THSD4: variants seen among roughly 807,000 people sequenced by gnomAD.
THSD4 encodes thrombospondin type 1 domain containing 4.
THSD4 carries 69 observed loss-of-function variants against 119.0 expected under a neutral mutation model. The observed-to-expected ratio is 0.58, with a 90% CI of 0.48 to 0.71. The LOEUF (loss-of-function observed/expected upper bound fraction) is 0.71, where lower values mean the gene tolerates loss of function less well. THSD4 is among the 30% of genes least tolerant of loss of function. The pLI, the probability that THSD4 is intolerant of heterozygous loss-of-function variation, is 0.00. For synonymous variants in THSD4, 524 were observed against 540.4 expected, an observed-to-expected ratio of 0.97 and a Z score of 0.42; for missense variants, 1,393 against 1,391.1, an observed-to-expected ratio of 1.00 and a Z score of -0.02.
chr15:71,496,748 G>A (rs2048023495), intron 7 of THSD4, among the ~76,000 whole-genome samples: 1 of 152,202 alleles, frequency 6.6e-6, no homozygotes, highest in Non-Finnish European at 1.5e-5. Flanking sequence ...TGTCCTTAGG[G>A]AGAAGGGGAG....
rs187989355 is a variant in THSD4, at chr15:71,691,145, G to A, written c.1357+30411G>A. Among the ~76,000 whole-genome samples the A allele has an allele frequency of 3.8e-4, 58 of 152,264 alleles. 1 individual carries two copies. Among genetic ancestry groups the A allele is most frequent in the Admixed American group, 2.5e-3 (38 of 15,294 alleles). ...AGGAAGGGGCCACAAACTAAGGAGT[G>A]CAAGAAATACAACTCTAGCAGCTGG... On this transcript the variant is annotated intron_variant, in intron 8 of 17. Transcript: ENST00000261862.
chr15:71,779,075 A>G lies in THSD4; in HGVS notation c.*1701A>G, dbSNP rs531020791. 5.9e-5 allele frequency: 9 copies of G among 152,386 alleles called. 1 individual carries two copies. The highest frequency in any genetic ancestry group is 2.2e-4 in the African/African-American group (9 of 41,586). The allele number at this position is 152,386 out of a possible 1,614,324, so 9.4% of individuals were successfully genotyped here. On this transcript the variant is annotated 3_prime_UTR_variant, in exon 18 of 18. Transcript: ENST00000261862. ...ATGATGGTTTGCAGCTTTTGGAAGC[A>G]GTATGGCAACCTGGCCTGACATGCT... is the stretch of plus-strand genomic sequence containing the variant.
At chr15:71,664,295 C>G (rs1364926853) in intron 8 of THSD4, among the ~76,000 whole-genome samples, 1 of 151,968 alleles carries the variant, frequency 6.6e-6, no homozygotes, top group African/African-American at 2.4e-5. Context: ...GATTCCAGAA[C>G]TTTTACAACT....
chr15:71,390,198 C>A (rs929587429), intron 6 of THSD4, among the ~76,000 whole-genome samples: 4 of 152,094 alleles, frequency 2.6e-5, no homozygotes, highest in African/African-American at 9.7e-5. Flanking sequence ...TTTATATATA[C>A]CTACTATCAA....
At chr15:71,718,347 C>T (rs1050516666) in intron 8 of THSD4, among the ~76,000 whole-genome samples, 2 of 152,120 alleles carry the variant, frequency 1.3e-5, no homozygotes, top group African/African-American at 4.8e-5. Context: ...CAGACATAGT[C>T]CTTCCCTGCT....
intron 8 of THSD4, among the ~76,000 whole-genome samples, chr15:71,694,216 CCTT>C (rs1595869608): frequency 6.6e-6 from 1 of 152,126 alleles, no homozygotes; most frequent in Admixed American, 6.5e-5. Context: ...GTGGCTTTAT[CCTT>C]CTTGTAATGT....
chr15:71,333,694 T>C (rs371381451), intron 6 of THSD4, among the ~76,000 whole-genome samples: 12 of 152,286 alleles, frequency 7.9e-5, no homozygotes, highest in African/African-American at 2.6e-4. Flanking sequence ...CGTTAAGGAC[T>C]TATTGAAGTC....
At chr15:71,523,018 C>A (rs2048464935) in intron 7 of THSD4, among the ~76,000 whole-genome samples, 1 of 152,154 alleles carries the variant, frequency 6.6e-6, no homozygotes, top group Non-Finnish European at 1.5e-5. Flanking sequence ...GGTTATCTGG[C>A]ATGTTATGGG....
intron 8 of THSD4, among the ~76,000 whole-genome samples, chr15:71,707,244 C>T (rs1413832435): frequency 6.6e-6 from 1 of 152,084 alleles, no homozygotes; most frequent in African/African-American, 2.4e-5. Context: ...GAAAAACAGC[C>T]GTGATGTCCA....
chr15:71,598,939 A>G (rs1253574202), intron 7 of THSD4, among the ~76,000 whole-genome samples: 1 of 152,160 alleles, frequency 6.6e-6, no homozygotes, highest in Non-Finnish European at 1.5e-5. Flanking sequence ...TTAAAGATTG[A>G]CAAAGGCATG....
At chr15:71,626,861 T>G (rs2050519764) in intron 7 of THSD4, among the ~76,000 whole-genome samples, 1 of 152,230 alleles carries the variant, frequency 6.6e-6, no homozygotes, top group South Asian at 2.1e-4. Flanking sequence ...TGTCATTAAA[T>G]GAGATGGGCA....
At position 71,419,350 on chromosome 15, in the gene THSD4, C is replaced by T. The variant is rs151273790; in HGVS notation, c.1152+7527C>T. Among the ~76,000 whole-genome samples, 99 of 105,754 alleles carry T rather than the reference C, an allele frequency of 9.4e-4. 31 individuals carry two copies. The South Asian group carries it at 0.012, about 13-fold the overall frequency. 69.4% of individuals were successfully genotyped at this position (105,754 alleles called of 152,430 possible). On this transcript the variant is annotated intron_variant, in intron 7 of 17. Coordinates refer to ENST00000261862, the MANE Select transcript of THSD4 (RefSeq NM_024817.3). Reference sequence around the variant, plus strand: ...CTGGGTAGCTGGAATAACAGGTGCACGCCACCACATCTGACTAATTTTTAA... The same window carrying T: ...CTGGGTAGCTGGAATAACAGGTGCATGCCACCACATCTGACTAATTTTTAA...
At chr15:71,470,818 G>A (rs892657324) in intron 7 of THSD4, among the ~76,000 whole-genome samples, 2 of 151,682 alleles carry the variant, frequency 1.3e-5, no homozygotes, top group South Asian at 2.1e-4. Context: ...TGTATTTTTA[G>A]TAGAGACGGG....
chr15:71,426,911 A>G (rs1320415549), intron 7 of THSD4, among the ~76,000 whole-genome samples: 2 of 152,202 alleles, frequency 1.3e-5, no homozygotes, highest in Non-Finnish European at 2.9e-5. Context: ...CAAGAATGGA[A>G]CAAAAGAACG....
At chr15:71,617,969 A>T (rs1028711855) in intron 7 of THSD4, among the ~76,000 whole-genome samples, 4 of 152,208 alleles carry the variant, frequency 2.6e-5, no homozygotes, top group African/African-American at 9.7e-5. Context: ...CCTGGCTGGC[A>T]TGAGCTGATG....
intron 7 of THSD4, among the ~76,000 whole-genome samples, chr15:71,473,432 T>C (rs906196789): frequency 6.6e-6 from 1 of 152,190 alleles, no homozygotes; most frequent in Admixed American, 6.5e-5. Context: ...CTCCAGGCCA[T>C]ACCCCAGCTG....
intron 8 of THSD4, among the ~76,000 whole-genome samples, chr15:71,679,521 A>T (rs2051728704): frequency 6.6e-6 from 1 of 152,216 alleles, no homozygotes; most frequent in Non-Finnish European, 1.5e-5. Context: ...GTTTTGGTGG[A>T]TGGATAGGCT....
At chr15:71,458,929 C>T (rs991126514) in intron 7 of THSD4, among the ~76,000 whole-genome samples, 2 of 152,088 alleles carry the variant, frequency 1.3e-5, no homozygotes, top group African/African-American at 2.4e-5. Flanking sequence ...CATTTTCAGT[C>T]GTGCCCACTG....
intron 6 of THSD4, among the ~76,000 whole-genome samples, chr15:71,262,492 T>A (rs181084734): frequency 6.6e-6 from 1 of 152,326 alleles, no homozygotes; most frequent in East Asian, 1.9e-4. Context: ...CCTGTTTTCA[T>A]GCCAAGGGTA....
Sources: allele counts gnomAD v4.1 joint callset (sites outside exome capture counted in the v4.1 genomes callset), GRCh38; gene constraint gnomAD v4.1.1; transcripts MANE v1.5; gene names NCBI Gene and HGNC (gene_info 2026-07-23, HGNC 2026-07-21).